Variants in SH2D4A observed in about 807,000 individuals in gnomAD.
SH2D4A encodes the protein SH2 domain containing 4A.
Under a neutral mutation model 64.7 loss-of-function variants are expected in SH2D4A, and 70 were observed. That is an observed-to-expected ratio of 1.08 (90% confidence interval 0.89 to 1.32). SH2D4A has a LOEUF of 1.32. Ranked by LOEUF, SH2D4A falls within the 40% of genes most tolerant of loss-of-function variation. The pLI is 0.00. For missense variants in SH2D4A, 706 were observed against 540.1 expected (o/e 1.31, Z -3.04); for synonymous variants, 268 against 200.7 (o/e 1.34, Z -2.83).
At chr8:19,359,495 T>C (rs762024788) in intron 5 of SH2D4A, among the ~76,000 whole-genome samples, 1 of 152,244 alleles carries the variant, frequency 6.6e-6, no homozygotes, top group Admixed American at 6.5e-5. Flanking sequence ...TGTGGAAGGA[T>C]GAACAAAGCT....
rs968423751 is a variant in SH2D4A at position 19,335,983 on chromosome 8, C to T, written c.513+1126C>T. Reference sequence around the variant, plus strand: ...CAGCACTGGCTGTGTGTGCTTTTGACTTCTTTGAGGCTATCATATGGGAAT... The same window carrying T: ...CAGCACTGGCTGTGTGTGCTTTTGATTTCTTTGAGGCTATCATATGGGAAT... On this transcript the variant is annotated intron_variant, in intron 4 of 9. Transcript: ENST00000265807. 3.3e-5 allele frequency among the ~76,000 whole-genome samples: 5 copies of T among 152,306 alleles called. No individual in the cohort carries two copies. In the East Asian group the frequency reaches 9.7e-4, roughly 29 times the overall value.
At chr8:19,385,586 C>T (rs1585210600) in intron 8 of SH2D4A, among the ~76,000 whole-genome samples, 1 of 152,154 alleles carries the variant, frequency 6.6e-6, no homozygotes, top group South Asian at 2.1e-4. Flanking sequence ...TGGAGGTATT[C>T]TCTGGAATTG....
chr8:19,351,435 C>A (rs1326805010), intron 4 of SH2D4A, among the ~76,000 whole-genome samples: 1 of 152,016 alleles, frequency 6.6e-6, no homozygotes, highest in Non-Finnish European at 1.5e-5. Flanking sequence ...AACCCCGTCT[C>A]TATTAAAAAT....
intron 1 of SH2D4A, among the ~76,000 whole-genome samples, chr8:19,317,103 T>A (rs2052101555): frequency 6.6e-6 from 1 of 152,208 alleles, no homozygotes; most frequent in Non-Finnish European, 1.5e-5. Flanking sequence ...CAACCCCAGC[T>A]GAACTGTTCA....
chr8:19,381,250 A>G (rs568385332), intron 8 of SH2D4A, among the ~76,000 whole-genome samples: 16 of 152,132 alleles, frequency 1.1e-4, no homozygotes, highest in East Asian at 7.7e-4. Context: ...GGATTTCACT[A>G]TGTTGGCCAG....
chr8:19,322,410 G>A (rs905861817), intron 2 of SH2D4A, among the ~76,000 whole-genome samples: 4 of 152,062 alleles, frequency 2.6e-5, no homozygotes, highest in Non-Finnish European at 5.9e-5. Context: ...GCCACACGGT[G>A]GTTTTGAAGG....
intron 7 of SH2D4A, among the ~76,000 whole-genome samples, chr8:19,371,838 T>C (rs905087335): frequency 1.3e-5 from 2 of 152,208 alleles, no homozygotes; most frequent in African/African-American, 4.8e-5. Flanking sequence ...CTATTGCATT[T>C]TTCATTTTAT....
chr8:19,347,455 GT>G (rs1208198483), intron 4 of SH2D4A, among the ~76,000 whole-genome samples: 1 of 152,184 alleles, frequency 6.6e-6, no homozygotes, highest in Non-Finnish European at 1.5e-5. Flanking sequence ...ATGCAGTGAT[GT>G]CCCCCGTCCC....
At chr8:19,349,385 CAAAT>C (rs995699742) in intron 4 of SH2D4A, among the ~76,000 whole-genome samples, 52 of 152,022 alleles carry the variant, frequency 3.4e-4, no homozygotes, top group African/African-American at 1.2e-3. Flanking sequence ...TAAAAGCAAA[CAAAT>C]AATCAAAATT....
intron 2 of SH2D4A, among the ~76,000 whole-genome samples, chr8:19,332,110 A>G (rs2052371934): frequency 6.6e-6 from 1 of 152,174 alleles, no homozygotes; most frequent in Non-Finnish European, 1.5e-5. Flanking sequence ...AAATAAAATA[A>G]TAAATACAAA....
intron 4 of SH2D4A, among the ~76,000 whole-genome samples, chr8:19,349,185 A>G (rs1585167936): frequency 6.6e-6 from 1 of 152,210 alleles, no homozygotes; most frequent in Admixed American, 6.5e-5. Flanking sequence ...AAAAACAGAT[A>G]AGTAATTAAT....
At chr8:19,317,455 G>C (rs938526440) in intron 1 of SH2D4A, among the ~76,000 whole-genome samples, 1 of 151,834 alleles carries the variant, frequency 6.6e-6, no homozygotes. Flanking sequence ...TTGGATTCTG[G>C]TAGTTGAATG....
chr8:19,313,946 G>A, intron 1 of SH2D4A, 123 bp downstream of exon 1: 4 of 1,278,238 alleles, frequency 3.1e-6, no homozygotes, highest in Non-Finnish European at 3.9e-6. Flanking sequence ...GCGGGCGGGC[G>A]GAAGCCTCAC....
At chr8:19,373,471 T>A (rs1554485287) in intron 7 of SH2D4A, 59 bp from the exon 8 acceptor site, 6 of 1,280,438 alleles carry the variant, frequency 4.7e-6, no homozygotes, top group Non-Finnish European at 6.3e-6. Flanking sequence ...TATATGACTT[T>A]TGAGGGCATT....
chr8:19,358,141 G>A (rs1038947479), intron 5 of SH2D4A, among the ~76,000 whole-genome samples: 3 of 152,148 alleles, frequency 2.0e-5, no homozygotes, highest in African/African-American at 4.8e-5. Context: ...GGATCTAAAG[G>A]ACATTTTCAT....
rs373744682 is a variant in SH2D4A at position 19,355,221 on chromosome 8, C to T, written c.514-1982C>T. 4.6e-5 allele frequency among the ~76,000 whole-genome samples: 7 copies of T among 152,148 alleles called. No homozygotes were observed. In the South Asian group the frequency reaches 6.2e-4, roughly 14 times the overall value. On this transcript the variant is annotated intron_variant, in intron 4 of 9. Transcript: ENST00000265807. ...TATAAGAAACATCCTTTTTGCAAAA[C>T]GGTGCCCCAAAGATCTTATATCATC...
At chr8:19,331,417 CA>C (rs1056011492) in intron 2 of SH2D4A, among the ~76,000 whole-genome samples, 1 of 152,204 alleles carries the variant, frequency 6.6e-6, no homozygotes, top group Non-Finnish European at 1.5e-5. Context: ...CTTTGGCCCA[CA>C]GTTGCCCTGG....
At chr8:19,317,265 CA>C (rs1372527061) in intron 1 of SH2D4A, among the ~76,000 whole-genome samples, 2 of 140,966 alleles carry the variant, frequency 1.4e-5, no homozygotes, top group Non-Finnish European at 3.1e-5. Context: ...CTGCTAGAAA[CA>C]AAAAGTCAAA....
chr8:19,314,979 G>T (rs988028684), intron 1 of SH2D4A, among the ~76,000 whole-genome samples: 9 of 152,098 alleles, frequency 5.9e-5, no homozygotes, highest in Admixed American at 3.3e-4. Context: ...AATTCAAACT[G>T]TATTGTTAAT....
Sources: allele counts gnomAD v4.1 joint callset (sites outside exome capture counted in the v4.1 genomes callset), GRCh38; gene constraint gnomAD v4.1.1; transcripts MANE v1.5; gene names NCBI Gene and HGNC (gene_info 2026-07-23, HGNC 2026-07-21).